DRG1: variants seen among roughly 807,000 people sequenced by gnomAD.
DRG1 encodes the protein developmentally-regulated GTP-binding protein 1.
DRG1 carries 19 observed loss-of-function variants against 38.8 expected under a neutral mutation model. The ratio of observed to expected loss-of-function variants is 0.49; its 90% confidence interval spans 0.34 to 0.72. The LOEUF (loss-of-function observed/expected upper bound fraction) is 0.72, where lower values mean the gene tolerates loss of function less well. Among genes scored for constraint, DRG1 ranks in the 30% least tolerant of loss-of-function variants. DRG1 has a pLI of 0.01. For missense variants in DRG1, 299 were observed against 444.8 expected (o/e 0.67, Z 2.95); for synonymous variants, 167 against 157.5 (o/e 1.06, Z -0.45).
At chr22:31,415,683 G>A (rs1432621382) in intron 4 of DRG1, among the ~76,000 whole-genome samples, 4 of 151,950 alleles carry the variant, frequency 2.6e-5, no homozygotes, top group African/African-American at 9.7e-5. Flanking sequence ...TATGGTTTGT[G>A]CTTTTAAAGT....
intron 2 of DRG1, 113 bp downstream of exon 2, chr22:31,400,856 C>G: frequency 8.1e-7 from 1 of 1,240,110 alleles, no homozygotes; most frequent in South Asian, 1.5e-5. Flanking sequence ...TCAACGCCTG[C>G]AATCCTAGCA....
chr22:31,422,815 G>A (rs2145868227), intron 5 of DRG1, among the ~76,000 whole-genome samples: 1 of 152,298 alleles, frequency 6.6e-6, no homozygotes, highest in Non-Finnish European at 1.5e-5. Context: ...CTAGAGGCTA[G>A]AAGTCTGAGA....
intron 4 of DRG1, among the ~76,000 whole-genome samples, chr22:31,413,816 G>A (rs760166363): frequency 1.1e-4 from 17 of 151,952 alleles, no homozygotes; most frequent in Non-Finnish European, 1.0e-4. Flanking sequence ...GTTTCACCAC[G>A]TTGTCCAGGC....
intron 3 of DRG1, among the ~76,000 whole-genome samples, chr22:31,404,961 T>G (rs2049981477): frequency 6.6e-6 from 1 of 152,120 alleles, no homozygotes; most frequent in South Asian, 2.1e-4. Flanking sequence ...AGGTTTTGGT[T>G]GGTTGTAACA....
chr22:31,399,916 T>C (rs1001110502), intron 1 of DRG1, among the ~76,000 whole-genome samples, 191 bp downstream of exon 1: 6 of 152,004 alleles, frequency 3.9e-5, no homozygotes, highest in Non-Finnish European at 8.8e-5. Context: ...AGGGCCCCCT[T>C]TCCCCTCGTC....
At chr22:31,426,841 G>C in intron 7 of DRG1, 59 bp downstream of exon 7, 1 of 1,567,680 alleles carries the variant, frequency 6.4e-7, no homozygotes, top group South Asian at 1.2e-5. Context: ...GTCCTAAAAT[G>C]ATACTTTCTG....
chr22:31,427,694 T>C (rs2145870952), intron 8 of DRG1, among the ~76,000 whole-genome samples: 1 of 152,262 alleles, frequency 6.6e-6, no homozygotes, highest in South Asian at 2.1e-4. Flanking sequence ...GCCTCCTGAG[T>C]AGCTGGGACT....
At chr22:31,407,940 G>A (rs1201364038) in intron 3 of DRG1, among the ~76,000 whole-genome samples, 2 of 149,592 alleles carry the variant, frequency 1.3e-5, no homozygotes, top group East Asian at 2.0e-4. Context: ...GGCCAATGTG[G>A]TGAAACCCTG....
chr22:31,424,825 T>TTGG (rs1258024797), intron 6 of DRG1, among the ~76,000 whole-genome samples: 1 of 117,164 alleles, frequency 8.5e-6, no homozygotes. Flanking sequence ...TTTTTTTTTT[T>TTGG]GGAGTCTTGC....
At chr22:31,401,104 A>G (rs1371477070) in intron 2 of DRG1, among the ~76,000 whole-genome samples, 3 of 152,002 alleles carry the variant, frequency 2.0e-5, no homozygotes, top group Non-Finnish European at 2.9e-5. Context: ...AGTTTTATTT[A>G]TATCCTGCAC....
intron 7 of DRG1, 41 bp from the exon 8 acceptor site, chr22:31,427,019 A>T: frequency 6.2e-7 from 1 of 1,611,420 alleles, no homozygotes; most frequent in Middle Eastern, 1.7e-4. Flanking sequence ...CACATGAGAT[A>T]GTCTAAGAAG....
intron 5 of DRG1, among the ~76,000 whole-genome samples, chr22:31,422,183 A>G (rs1226320803): frequency 1.3e-5 from 2 of 151,894 alleles, no homozygotes; most frequent in African/African-American, 4.8e-5. Context: ...TGTAATCCCA[A>G]CACTTTGGGA....
intron 3 of DRG1, among the ~76,000 whole-genome samples, chr22:31,406,222 G>C (rs1293121573): frequency 1.3e-5 from 2 of 151,910 alleles, no homozygotes; most frequent in East Asian, 1.9e-4. Context: ...GGCTGGTCTT[G>C]AACTCCTGAC....
chr22:31,415,985 T>C (rs1223092824), intron 4 of DRG1, among the ~76,000 whole-genome samples: 1 of 152,144 alleles, frequency 6.6e-6, no homozygotes, highest in Non-Finnish European at 1.5e-5. Context: ...CCTACTGCTC[T>C]GTAGTATCTT....
chr22:31,427,848 C>T (rs571085913), intron 8 of DRG1, among the ~76,000 whole-genome samples: 22 of 152,202 alleles, frequency 1.4e-4, no homozygotes, highest in Middle Eastern at 3.4e-3. Flanking sequence ...ATTCTCCTGC[C>T]TCAACCTCCT....
rs1358655183 is a variant in DRG1 at position 31,418,642 on chromosome 22, G to A, written c.413-1614G>A. Among the ~76,000 whole-genome samples, 7 of 151,558 alleles carry A rather than the reference G, an allele frequency of 4.6e-5. No homozygotes were observed. The East Asian group carries it at 1.4e-3, about 29-fold the overall frequency. Reference sequence around the variant, plus strand: ...CGTGCCTCAGCCTCCTGAGTAGCTGGGATTACAGGTGTCCACTACCATGGC... The same window carrying A: ...CGTGCCTCAGCCTCCTGAGTAGCTGAGATTACAGGTGTCCACTACCATGGC... On this transcript the variant is annotated intron_variant, in intron 4 of 8. Transcript: ENST00000331457.
At chr22:31,400,823 T>C in intron 2 of DRG1, 80 bp downstream of exon 2, 2 of 1,492,290 alleles carry the variant, frequency 1.3e-6, no homozygotes, top group Non-Finnish European at 1.8e-6. Flanking sequence ...TAAAAATAAC[T>C]AAAGATGGCC....
chr22:31,426,503 C>T (rs1004746641), intron 6 of DRG1, 112 bp from the exon 7 acceptor site: 3 of 848,570 alleles, frequency 3.5e-6, no homozygotes, highest in Non-Finnish European at 5.4e-6. Flanking sequence ...CTGCTACTTA[C>T]AGTCCCTCTT....
At chr22:31,421,151 T>TG (rs1175068160) in intron 5 of DRG1, among the ~76,000 whole-genome samples, 1 of 152,062 alleles carries the variant, frequency 6.6e-6, no homozygotes, top group Non-Finnish European at 1.5e-5. Context: ...TTCATTCTGT[T>TG]GCTTAGGCTG....
Sources: gnomAD v4.1 joint callset for allele counts (sites outside exome capture counted in the v4.1 genomes callset) on GRCh38, gnomAD v4.1.1 for gene constraint, MANE v1.5 for transcripts, NCBI Gene and HGNC (gene_info 2026-07-23, HGNC 2026-07-21) for gene names.